The following FSTL5 variants were observed in gnomAD, a reference collection of about 807,000 sequenced individuals.
The protein encoded by FSTL5 is follistatin-related protein 5.
FSTL5 carries 62 observed loss-of-function variants against 89.1 expected under a neutral mutation model. That is an observed-to-expected ratio of 0.70 (90% CI 0.57 to 0.86). The LOEUF (loss-of-function observed/expected upper bound fraction) is 0.86, where lower values mean the gene tolerates loss of function less well. Among genes scored for constraint, FSTL5 ranks in the 40% least tolerant of loss-of-function variants. The probability of loss-of-function intolerance (pLI) is 0.00; values close to 1 mark genes in which losing one functional copy is unlikely to be tolerated. For synonymous variants in FSTL5, 383 were observed against 346.2 expected (o/e 1.11, Z -1.18); for missense variants, 1,057 against 1,001.6 (o/e 1.06, Z -0.75).
intron 15 of FSTL5, among the ~76,000 whole-genome samples, chr4:161,449,867 G>A (rs1733098864): frequency 6.6e-6 from 1 of 152,122 alleles, no homozygotes; most frequent in African/African-American, 2.4e-5. Flanking sequence ...CAATCTAGGT[G>A]AAGATATCTT....
intron 4 of FSTL5, among the ~76,000 whole-genome samples, chr4:161,900,881 A>T (rs1319908995): frequency 6.6e-6 from 1 of 152,024 alleles, no homozygotes; most frequent in Non-Finnish European, 1.5e-5. Flanking sequence ...ATAGTTAAAC[A>T]TGTTTAATAA....
At chr4:161,843,130 A>G (rs904378331) in intron 4 of FSTL5, among the ~76,000 whole-genome samples, 1 of 152,300 alleles carries the variant, frequency 6.6e-6, no homozygotes, top group African/African-American at 2.4e-5. Flanking sequence ...TAACCATCAC[A>G]TTATTCATAT....
rs1741564119 is a variant in FSTL5 at position 161,779,774 on chromosome 4, T to TAC, written c.410-3701_410-3700insGT. Among the ~76,000 whole-genome samples, 8 of 17,352 alleles carry TAC rather than the reference T, an allele frequency of 4.6e-4. 1 individual carries two copies. In the South Asian group the frequency reaches 7.9e-3, roughly 17 times the overall value. 11.4% of individuals were successfully genotyped at this position (17,352 alleles called of 152,430 possible). ...ATTTGTAAAGTTATATATATATATA[T>TAC]GTATATATATATATATATATATATA... On this transcript the variant is annotated intron_variant, in intron 4 of 15. Transcript: ENST00000306100.
chr4:161,737,583 A>G (rs151170307), intron 6 of FSTL5, among the ~76,000 whole-genome samples: 1 of 152,096 alleles, frequency 6.6e-6, no homozygotes, highest in Non-Finnish European at 1.5e-5. Flanking sequence ...GTTGAGCACA[A>G]GTATGAAGTA....
chr4:161,622,645 G>A (rs1017946449), intron 7 of FSTL5, among the ~76,000 whole-genome samples: 3 of 151,988 alleles, frequency 2.0e-5, no homozygotes, highest in Non-Finnish European at 4.4e-5. Flanking sequence ...AATCTTCTAA[G>A]TTAAGAGAAT....
At chr4:162,140,775 A>C (rs72986969) in intron 1 of FSTL5, among the ~76,000 whole-genome samples, 35,305 of 152,004 alleles carry the variant, frequency 0.23, 4,296 homozygotes, top group Non-Finnish European at 0.25. Flanking sequence ...AAAACAATAT[A>C]CAGGTTTGAC....
rs566414202 is a variant in FSTL5, at chr4:162,068,244, G to A, written c.127-34586C>T. Among the ~76,000 whole-genome samples, 3 of 151,986 alleles carry A rather than the reference G, an allele frequency of 2.0e-5. No individual in the cohort carries two copies. In the East Asian group the frequency reaches 5.8e-4, roughly 29 times the overall value. ...ACCAAAAGAGAGCCCATATAGCCAA[G>A]GCAATCCTAAGCAAAAAGAACAAAG... is the stretch of plus-strand genomic sequence containing the variant. On this transcript the variant is annotated intron_variant, in intron 2 of 15. Coordinates refer to ENST00000306100, the MANE Select transcript of FSTL5 (RefSeq NM_020116.5).
chr4:161,705,952 G>GTATATATA (rs1206067350), intron 6 of FSTL5, among the ~76,000 whole-genome samples: 22 of 30,632 alleles, frequency 7.2e-4, no homozygotes, highest in African/African-American at 3.1e-3. Context: ...GTAGATGTGT[G>GTATATATA]TATATATATA....
At chr4:161,514,324 C>T (rs140776118) in intron 10 of FSTL5, among the ~76,000 whole-genome samples, 35 of 152,036 alleles carry the variant, frequency 2.3e-4, no homozygotes, top group Middle Eastern at 3.4e-3. Flanking sequence ...TTTGCAGTAA[C>T]ATGGATGGAA....
chr4:161,633,539 G>T (rs1336112953), intron 7 of FSTL5, among the ~76,000 whole-genome samples: 1 of 151,866 alleles, frequency 6.6e-6, no homozygotes, highest in Non-Finnish European at 1.5e-5. Flanking sequence ...TAGAAACAGG[G>T]TTTCACCATG....
At chr4:161,715,595 T>C (rs984101868) in intron 6 of FSTL5, among the ~76,000 whole-genome samples, 1 of 152,174 alleles carries the variant, frequency 6.6e-6, no homozygotes, top group Non-Finnish European at 1.5e-5. Flanking sequence ...AAAAGAATTA[T>C]AAGTTTCGAA....
intron 6 of FSTL5, among the ~76,000 whole-genome samples, chr4:161,662,210 G>A (rs1736741169): frequency 1.3e-5 from 2 of 152,076 alleles, no homozygotes; most frequent in South Asian, 4.1e-4. Context: ...TCTCTCTGGA[G>A]TAAGTTAATA....
chr4:161,960,888 A>G (rs907531121), intron 3 of FSTL5, among the ~76,000 whole-genome samples: 3 of 152,084 alleles, frequency 2.0e-5, no homozygotes, highest in African/African-American at 7.2e-5. Context: ...TAGAAGAGTC[A>G]AGAGCCATAA....
intron 2 of FSTL5, among the ~76,000 whole-genome samples, chr4:162,049,982 G>A (rs1405277319): frequency 6.6e-6 from 1 of 151,782 alleles, no homozygotes; most frequent in Non-Finnish European, 1.5e-5. Context: ...TAAAGAAGAA[G>A]ATTAAATTAA....
chr4:161,876,901 T>C (rs1255003883), intron 4 of FSTL5, among the ~76,000 whole-genome samples: 2 of 152,100 alleles, frequency 1.3e-5, no homozygotes, highest in Non-Finnish European at 2.9e-5. Flanking sequence ...ATTACTATGA[T>C]AGGCCGGGCG....
chr4:161,901,376 T>C (rs1733358307), intron 4 of FSTL5, among the ~76,000 whole-genome samples: 1 of 152,138 alleles, frequency 6.6e-6, no homozygotes, highest in African/African-American at 2.4e-5. Flanking sequence ...GTTGTTTTAG[T>C]ACTGATGTAT....
chr4:161,789,261 T>C (rs1560847251), intron 4 of FSTL5, among the ~76,000 whole-genome samples: 1 of 152,148 alleles, frequency 6.6e-6, no homozygotes, highest in African/African-American at 2.4e-5. Context: ...GTTTAGATCA[T>C]ATACTGATTC....
chr4:161,660,145 C>T (rs1444784620), intron 6 of FSTL5, among the ~76,000 whole-genome samples: 1 of 152,140 alleles, frequency 6.6e-6, no homozygotes, highest in African/African-American at 2.4e-5. Context: ...TTTTTCTGAT[C>T]TCACATTATG....
At chr4:161,517,291 T>A (rs1236996297) in intron 10 of FSTL5, among the ~76,000 whole-genome samples, 1 of 152,162 alleles carries the variant, frequency 6.6e-6, no homozygotes, top group Non-Finnish European at 1.5e-5. Context: ...ACAACTAATG[T>A]ACTCAATATA....
Sources: allele counts gnomAD v4.1 joint callset (sites outside exome capture counted in the v4.1 genomes callset), GRCh38; gene constraint gnomAD v4.1.1; transcripts MANE v1.5; gene names NCBI Gene and HGNC (gene_info 2026-07-23, HGNC 2026-07-21).